CFHR3: variants seen among roughly 807,000 people sequenced by gnomAD.
The protein encoded by CFHR3 is complement factor H related 3.
In CFHR3, 22 loss-of-function variants were observed where a neutral mutation model predicts 36.0. The observed-to-expected ratio is 0.61, with a 90% confidence interval of 0.44 to 0.87. The LOEUF is 0.87. Ranked by LOEUF, CFHR3 falls within the 40% of genes least tolerant of loss-of-function variation. The pLI is 0.00. For missense variants in CFHR3, 276 were observed against 401.3 expected (o/e 0.69, Z 2.67); for synonymous variants, 97 against 137.4 (o/e 0.71, Z 2.06).
intron 3 of CFHR3, among the ~76,000 whole-genome samples, chr1:196,786,032 C>G (rs1361535391): frequency 7.3e-6 from 1 of 136,436 alleles, no homozygotes; most frequent in Non-Finnish European, 1.5e-5. Flanking sequence ...ACAGGACCCT[C>G]AGCTGCAGGT....
At position 196,776,624 on chromosome 1, in the gene CFHR3, T is replaced by C. The variant is rs1653732037; in HGVS notation, c.58+1680T>C. Among the ~76,000 whole-genome samples the C allele has an allele frequency of 1.5e-5, 2 of 135,702 alleles. 1 individual carries two copies. Among genetic ancestry groups the C allele is most frequent in the Admixed American group, 1.4e-4 (2 of 14,044 alleles). 89.0% of individuals were successfully genotyped at this position (135,702 alleles called of 152,430 possible). ...CAAGGCATAGAGAGAAAACAACCAT[T>C]TACAAGGCAAAGGAGGAGGTCTCAG... On this transcript the variant is annotated intron_variant, in intron 1 of 5. Coordinates refer to ENST00000367425, the MANE Select transcript of CFHR3 (RefSeq NM_021023.6).
chr1:196,790,096 C>A lies in CFHR3; in HGVS notation c.665C>A (p.Thr222Asn), dbSNP rs768616119. ...CCACCTATTAGCAATGGTGATACCA[C>A]CTCCTTTCTACTAAAAGTGTATGTG... ...PPPPISNGDTTSFLLKVYVPQ... is the reference protein window; with the variant it reads ...PPPPISNGDTNSFLLKVYVPQ... The change falls in exon 5 of 6, where the codon ACC becomes AAC. Residue 222 changes from threonine to asparagine, a missense_variant. By Grantham distance (65) the Thr-to-Asn change is moderately conservative. Coordinates refer to ENST00000367425, the MANE Select transcript of CFHR3 (RefSeq NM_021023.6). 1 of 1,370,262 alleles carries A rather than the reference C, an allele frequency of 7.3e-7. No homozygotes were observed. Among genetic ancestry groups the A allele is most frequent in the Admixed American group, 2.1e-5 (1 of 47,770 alleles). 84.9% of individuals were successfully genotyped at this position (1,370,262 alleles called of 1,614,324 possible).
At chr1:196,792,403 G>A (rs1229809721) in intron 5 of CFHR3, among the ~76,000 whole-genome samples, 1 of 110,588 alleles carries the variant, frequency 9.0e-6, no homozygotes, top group African/African-American at 4.8e-5. Flanking sequence ...TGTAAGAACT[G>A]ACATTTTTAT....
intron 5 of CFHR3, among the ~76,000 whole-genome samples, chr1:196,791,716 G>A (rs1385373933): frequency 7.6e-6 from 1 of 132,364 alleles, no homozygotes; most frequent in Non-Finnish European, 1.6e-5. Flanking sequence ...TGGTAAGACT[G>A]AAGAAGAAAT....
chr1:196,794,364 G>T lies in CFHR3; in HGVS notation c.*851G>T, dbSNP rs112345520. Among the ~76,000 whole-genome samples, 2,601 of 136,818 alleles carry T rather than the reference G, an allele frequency of 0.019. 687 individuals carry two copies. Among genetic ancestry groups the T allele is most frequent in the African/African-American group, 0.072 (2,353 of 32,724 alleles). 89.8% of individuals were successfully genotyped at this position (136,818 alleles called of 152,430 possible). A position where few individuals can be genotyped will look rare whatever the true frequency, so the allele number is the denominator to read the frequency against. ...TGTAGTCCCAGCTACTCAGGAGGCT[G>T]AGGTGGGAGAATCACTTTAACCAGT... On this transcript the variant is annotated 3_prime_UTR_variant, in exon 6 of 6. Transcript: ENST00000367425.
rs1194774761 is a variant in CFHR3 at position 196,776,923 on chromosome 1, G to T, written c.58+1979G>T. Among the ~76,000 whole-genome samples, 5 of 135,860 alleles carry T rather than the reference G, an allele frequency of 3.7e-5. 2 individuals carry two copies. The highest frequency in any genetic ancestry group is 1.5e-4 in the African/African-American group (5 of 32,322). The allele number at this position is 135,860 out of a possible 152,430, so 89.1% of individuals were successfully genotyped here. Reference sequence around the variant, plus strand: ...ATATCTTGGGTGTATTGTCCTTGCTGATTTTTGTCTTGTTGAATACTTTGT... The same window carrying T: ...ATATCTTGGGTGTATTGTCCTTGCTTATTTTTGTCTTGTTGAATACTTTGT... On this transcript the variant is annotated intron_variant, in intron 1 of 5. Coordinates refer to ENST00000367425, the MANE Select transcript of CFHR3 (RefSeq NM_021023.6).
chr1:196,781,262 A>G (rs1653938176), intron 3 of CFHR3, among the ~76,000 whole-genome samples: 1 of 134,902 alleles, frequency 7.4e-6, no homozygotes. Context: ...CAATAAGCAT[A>G]CGTGTGCATG....
Position 196,793,115 on chromosome 1 carries a change from T to G in CFHR3, c.797-202T>G, listed in dbSNP as rs1179635928. Among the ~76,000 whole-genome samples, 5 of 135,038 alleles carry G rather than the reference T, an allele frequency of 3.7e-5. 2 individuals are homozygous for G. The highest frequency in any genetic ancestry group is 6.3e-5 in the African/African-American group (2 of 31,768). 88.6% of individuals were successfully genotyped at this position (135,038 alleles called of 152,430 possible). On this transcript the variant is annotated intron_variant, in intron 5 of 5. Coordinates refer to ENST00000367425, the MANE Select transcript of CFHR3 (RefSeq NM_021023.6). ...TCACGTTTATCACCTCACCTGATGA[T>G]CTCTGCTGTGATGTTGGGGAAGTGC...
rs1174464155 is a variant in CFHR3 at position 196,786,897 on chromosome 1, C to A, written c.431-1319C>A. On this transcript the variant is annotated intron_variant, in intron 3 of 5. Coordinates refer to ENST00000367425, the MANE Select transcript of CFHR3 (RefSeq NM_021023.6). Reference sequence around the variant, plus strand: ...TGCAGAAATCACCCGTCTTCTGCGTCGCTCACGCTGGGAGCTGTAGACCAG... The same window carrying A: ...TGCAGAAATCACCCGTCTTCTGCGTAGCTCACGCTGGGAGCTGTAGACCAG... 1.5e-5 allele frequency among the ~76,000 whole-genome samples: 2 copies of A among 137,598 alleles called. 1 individual carries two copies. The highest frequency in any genetic ancestry group is 3.1e-5 in the Non-Finnish European group (2 of 64,744). The allele number at this position is 137,598 out of a possible 152,430, so 90.3% of individuals were successfully genotyped here.
At chr1:196,776,222 T>C (rs1269523526) in intron 1 of CFHR3, among the ~76,000 whole-genome samples, 19 of 134,186 alleles carry the variant, frequency 1.4e-4, no homozygotes, top group Admixed American at 8.7e-4. Context: ...ACAAATTCTT[T>C]CTTATCTGAT....
At chr1:196,784,065 G>T (rs1330431338) in intron 3 of CFHR3, among the ~76,000 whole-genome samples, 2 of 136,718 alleles carry the variant, frequency 1.5e-5, no homozygotes, top group Non-Finnish European at 3.1e-5. Context: ...TATGTACCCA[G>T]TAGTCATTCA....
At chr1:196,777,488 C>T (rs1288683578) in intron 1 of CFHR3, among the ~76,000 whole-genome samples, 4 of 136,226 alleles carry the variant, frequency 2.9e-5, no homozygotes, top group Non-Finnish European at 6.2e-5. Context: ...AACTAAGAAG[C>T]TGGCTTCTGT....
At chr1:196,782,676 T>C (rs1371873991) in intron 3 of CFHR3, among the ~76,000 whole-genome samples, 1 of 137,358 alleles carries the variant, frequency 7.3e-6, no homozygotes, top group Admixed American at 7.0e-5. Context: ...TTTGCTGAAG[T>C]TGCTAATCAG....
In CFHR3 at chr1:196,794,495, A is replaced by G. The variant is rs572152277; in HGVS notation, c.*982A>G. 5.2e-6 allele frequency: 2 copies of G among 382,354 alleles called. No individual in the cohort carries two copies. Among genetic ancestry groups the G allele is most frequent in the Non-Finnish European group, 1.0e-5 (2 of 197,052 alleles). The allele number at this position is 382,354 out of a possible 1,614,324, so 23.7% of individuals were successfully genotyped here. ...AATAAATAGGATGCTGAAAATTCCT[A>G]TTTAAGGAAATAATTCTTTTTCTGA... On this transcript the variant is annotated 3_prime_UTR_variant, in exon 6 of 6. Coordinates refer to ENST00000367425, the MANE Select transcript of CFHR3 (RefSeq NM_021023.6).
At position 196,788,728 on chromosome 1, in the gene CFHR3, T is replaced by C. The variant is rs1258979711; in HGVS notation, c.613+330T>C. The C allele has an allele frequency of 1.2e-5, 17 of 1,453,978 alleles. 5 individuals are homozygous for C. Among genetic ancestry groups the C allele is most frequent in the African/African-American group, 8.5e-5 (5 of 59,128 alleles). The allele number at this position is 1,453,978 out of a possible 1,614,324, so 90.1% of individuals were successfully genotyped here. On this transcript the variant is annotated intron_variant, in intron 4 of 5. Coordinates refer to ENST00000367425, the MANE Select transcript of CFHR3 (RefSeq NM_021023.6). ...AACTTTGTTGTCTTCCCTTTCTTTGTATTTCAAAATTATCAGCTGCTTGTA... is the reference window on the plus strand; with the variant it reads ...AACTTTGTTGTCTTCCCTTTCTTTGCATTTCAAAATTATCAGCTGCTTGTA...
At chr1:196,789,221 A>C (rs1558202665) in intron 4 of CFHR3, 1 of 872,320 alleles carries the variant, frequency 1.1e-6, no homozygotes, top group Non-Finnish European at 1.4e-6. Context: ...GGTACAATTC[A>C]ACTATTTTTA....
chr1:196,787,812 C>A (rs375693377), intron 3 of CFHR3, among the ~76,000 whole-genome samples: 1 of 136,456 alleles, frequency 7.3e-6, no homozygotes, highest in Admixed American at 7.0e-5. Context: ...CAGGGTGTAC[C>A]GTATCTTTGC....
Position 196,787,555 on chromosome 1 carries a change from C to T in CFHR3, c.431-661C>T, listed in dbSNP as rs544378912. 2.2e-5 allele frequency among the ~76,000 whole-genome samples: 3 copies of T among 137,142 alleles called. 1 individual carries two copies. The South Asian group carries it at 7.6e-4, about 35-fold the overall frequency. 90.0% of individuals were successfully genotyped at this position (137,142 alleles called of 152,430 possible). Reference sequence around the variant, plus strand: ...AACATATGCGTTACTAAAATAATTACTACCTTGTACATATACCCATTAGTA... The same window carrying T: ...AACATATGCGTTACTAAAATAATTATTACCTTGTACATATACCCATTAGTA... On this transcript the variant is annotated intron_variant, in intron 3 of 5. Transcript: ENST00000367425.
At chr1:196,782,434 A>T (rs1653994074) in intron 3 of CFHR3, among the ~76,000 whole-genome samples, 1 of 137,274 alleles carries the variant, frequency 7.3e-6, no homozygotes, top group Admixed American at 7.0e-5. Context: ...CCTACCCATG[A>T]GCATGGAATG....
Sources: allele counts gnomAD v4.1 joint callset (sites outside exome capture counted in the v4.1 genomes callset), GRCh38; gene constraint gnomAD v4.1.1; transcripts MANE v1.5; gene names NCBI Gene and HGNC (gene_info 2026-07-23, HGNC 2026-07-21).